Variants in EGF observed in about 807,000 individuals in gnomAD.
The protein encoded by EGF is pro-epidermal growth factor.
EGF carries 95 observed loss-of-function variants against 143.8 expected under a neutral mutation model. That is an observed-to-expected ratio of 0.66 (90% confidence interval 0.56 to 0.78). EGF has a LOEUF of 0.78. Ranked by LOEUF, EGF falls within the 30% of genes least tolerant of loss-of-function variation. The probability of loss-of-function intolerance (pLI) is 0.00; values close to 1 mark genes in which losing one functional copy is unlikely to be tolerated. For synonymous variants in EGF, 510 were observed against 510.5 expected, an observed-to-expected ratio of 1.00 and a Z score of 0.01; for missense variants, 1,320 against 1,470.9, an observed-to-expected ratio of 0.90 and a Z score of 1.68.
At chr4:109,982,665 G>A (rs993813340) in intron 15 of EGF, among the ~76,000 whole-genome samples, 3 of 152,028 alleles carry the variant, frequency 2.0e-5, no homozygotes, top group East Asian at 1.9e-4. Context: ...TAATATGAGT[G>A]TGTGGCAGTG....
intron 1 of EGF, among the ~76,000 whole-genome samples, chr4:109,934,757 T>A (rs1278282732): frequency 9.9e-5 from 15 of 152,204 alleles, no homozygotes; most frequent in Admixed American, 9.8e-4. Flanking sequence ...AAGGAAGGGA[T>A]CCAGTTTCAG....
intron 13 of EGF, chr4:109,977,373 T>G (rs1344659940): frequency 6.6e-6 from 1 of 152,200 alleles, no homozygotes; most frequent in African/African-American, 2.4e-5. Flanking sequence ...ATTAAAGATA[T>G]ACTTCACAAT....
intron 16 of EGF, among the ~76,000 whole-genome samples, chr4:109,986,536 A>C (rs1360309124): frequency 6.6e-6 from 1 of 152,222 alleles, no homozygotes; most frequent in Non-Finnish European, 1.5e-5. Context: ...TTCACATGCC[A>C]CCTGAATCCT....
At chr4:109,936,955 A>G (rs1270161484) in intron 1 of EGF, among the ~76,000 whole-genome samples, 1 of 152,156 alleles carries the variant, frequency 6.6e-6, no homozygotes, top group Non-Finnish European at 1.5e-5. Context: ...TTTACTTCCA[A>G]TTACGTGTTC....
intron 20 of EGF, among the ~76,000 whole-genome samples, chr4:109,995,282 A>G (rs882481): frequency 1.3e-5 from 2 of 152,204 alleles, no homozygotes; most frequent in African/African-American, 2.4e-5. Context: ...CTGGATTTAC[A>G]AAAGTTTGGT....
Position 109,924,927 on chromosome 4 carries a change from A to G in EGF, c.127+11465A>G, listed in dbSNP as rs146181907. Reference sequence around the variant, plus strand: ...GAACCTCACAAAAACTGTAAAGTGTACCTGGGAAGATGTTAGCTAGTGGTA... The same window carrying G: ...GAACCTCACAAAAACTGTAAAGTGTGCCTGGGAAGATGTTAGCTAGTGGTA... On this transcript the variant is annotated intron_variant, in intron 1 of 23. Transcript: ENST00000265171. 2.7e-3 allele frequency among the ~76,000 whole-genome samples: 413 copies of G among 152,352 alleles called. 2 individuals are homozygous for G. Among genetic ancestry groups the G allele is most frequent in the Non-Finnish European group, 5.1e-3 (347 of 68,020 alleles).
chr4:109,988,482 C>T (rs1578355165), intron 17 of EGF, 102 bp from the exon 18 acceptor site: 3 of 1,556,932 alleles, frequency 1.9e-6, no homozygotes, highest in Middle Eastern at 1.7e-4. Context: ...CTGTAAAGGA[C>T]TGAATAAGAA....
intron 1 of EGF, chr4:109,940,693 C>A: frequency 2.2e-6 from 1 of 447,608 alleles, no homozygotes; most frequent in Non-Finnish European, 4.0e-6. Context: ...AAGTGTCTTT[C>A]TCTTCAGAGA....
Position 110,004,211 on chromosome 4 carries a change from TACATAC to T in EGF, c.3174-290_3174-285del, listed in dbSNP as rs1417693423. On this transcript the variant is annotated intron_variant, in intron 21 of 23. Transcript: ENST00000265171. Reference sequence around the variant, plus strand: ...CTATTCCCCCCAACATACATGGGCATACATACACACACACACACACACACACACACA... The same window carrying T: ...CTATTCCCCCCAACATACATGGGCATACACACACACACACACACACACACA... 2.1e-3 allele frequency: 810 copies of T among 387,246 alleles called. 3 individuals are homozygous for T. The highest frequency in any genetic ancestry group is 0.014 in the African/African-American group (579 of 40,568). 24.0% of individuals were successfully genotyped at this position (387,246 alleles called of 1,614,324 possible).
chr4:109,998,313 A>C (rs1346367687), intron 20 of EGF, among the ~76,000 whole-genome samples: 1 of 152,244 alleles, frequency 6.6e-6, no homozygotes. Context: ...ATGCTTTTGC[A>C]CTCAGATCCT....
intron 1 of EGF, among the ~76,000 whole-genome samples, chr4:109,915,392 T>G (rs1736454262): frequency 6.6e-6 from 1 of 152,192 alleles, no homozygotes; most frequent in African/African-American, 2.4e-5. Context: ...TCAATAAATG[T>G]CCTCCTGGGC....
chr4:109,917,515 T>G (rs1736889134), intron 1 of EGF, among the ~76,000 whole-genome samples: 2 of 152,152 alleles, frequency 1.3e-5, no homozygotes, highest in Admixed American at 1.3e-4. Context: ...TTAATTTCAA[T>G]TTTTACTTTA....
intron 1 of EGF, among the ~76,000 whole-genome samples, chr4:109,921,984 T>C (rs62327604): frequency 0.35 from 52,485 of 151,108 alleles, 9,758 homozygotes; most frequent in African/African-American, 0.41. Flanking sequence ...AAAAACATGC[T>C]GAAGGGTTGA....
chr4:109,942,668 G>GAA (rs1214553507), intron 2 of EGF, among the ~76,000 whole-genome samples: 1 of 152,178 alleles, frequency 6.6e-6, no homozygotes, highest in Non-Finnish European at 1.5e-5. Flanking sequence ...TTTTTATCAT[G>GAA]AAAGAGTTGG....
At chr4:109,975,565 G>C (rs1261713870) in intron 12 of EGF, among the ~76,000 whole-genome samples, 5 of 152,170 alleles carry the variant, frequency 3.3e-5, no homozygotes, top group Non-Finnish European at 7.4e-5. Context: ...CATAAAACTG[G>C]GTAACAGATA....
intron 12 of EGF, among the ~76,000 whole-genome samples, chr4:109,975,773 A>T (rs1322121964): frequency 6.6e-6 from 1 of 152,186 alleles, no homozygotes; most frequent in East Asian, 1.9e-4. Context: ...TTCTTTTTTA[A>T]TCTAATGATC....
chr4:109,994,738 A>T lies in EGF; in HGVS notation c.2863A>T (p.Thr955Ser). 1 of 1,613,892 alleles carries T rather than the reference A, an allele frequency of 6.2e-7. No individual in the cohort carries two copies. Among genetic ancestry groups the T allele is most frequent in the Non-Finnish European group, 8.5e-7 (1 of 1,179,972 alleles). Reference sequence around the variant, plus strand: ...AATGTCTTGGGTTCTTTTAGACTCTACTCCACCCCCTCACCTCAGGGAAGA... The same window carrying T: ...AATGTCTTGGGTTCTTTTAGACTCTTCTCCACCCCCTCACCTCAGGGAAGA... Reference protein sequence around the residue: ...SEPGLICPDSTPPPHLREDDH... With the variant: ...SEPGLICPDSSPPPHLREDDH... The change falls in exon 20 of 24, where the codon ACT becomes TCT. Residue 955 changes from threonine (T) to serine (S), a missense_variant. Thr to Ser is a moderately conservative substitution (Grantham distance 58). Coordinates refer to ENST00000265171, the MANE Select transcript of EGF (RefSeq NM_001963.6).
Position 109,987,787 on chromosome 4 carries a change from G to A in EGF, c.2535G>A (p.Arg845=). 6.2e-7 allele frequency: 1 copy of A among 1,613,964 alleles called. No individual in the cohort carries two copies. The change falls in exon 17 of 24, where the codon CGG becomes CGA. Residue 845 remains arginine (R), a synonymous_variant. Coordinates refer to ENST00000265171, the MANE Select transcript of EGF (RefSeq NM_001963.6). The part of the protein sequence containing the change: ...CAPVGCSMYA[R]CISEGEDATC... ...CTGTGGGATGCAGCATGTATGCTCG[G>A]TGTATTTCAGAGGGAGAGGATGCCA...
chr4:109,987,992 T>TAAAAAAA, intron 17 of EGF, 132 bp downstream of exon 17: 1 of 580,766 alleles, frequency 1.7e-6, no homozygotes. Flanking sequence ...TGATGTTAGC[T>TAAAAAAA]AAAAAAAAAA....
Sources: gnomAD v4.1 joint callset for allele counts (sites outside exome capture counted in the v4.1 genomes callset) on GRCh38, gnomAD v4.1.1 for gene constraint, MANE v1.5 for transcripts, NCBI Gene and HGNC (gene_info 2026-07-23, HGNC 2026-07-21) for gene names.